Variants in HERC1 observed in about 807,000 individuals in gnomAD.
The protein encoded by HERC1 is HECT and RLD domain containing E3 ubiquitin protein ligase family member 1, also known as probable E3 ubiquitin-protein ligase HERC1.
A neutral mutation model predicts 554.3 loss-of-function variants in HERC1; 160 were observed. The ratio of observed to expected loss-of-function variants is 0.29; its 90% CI spans 0.25 to 0.33. The LOEUF (loss-of-function observed/expected upper bound fraction) is 0.33. HERC1 is among the 10% of genes least tolerant of loss of function. The pLI, the probability that HERC1 is intolerant of heterozygous loss-of-function variation, is 1.00. For missense variants in HERC1, 4,919 were observed against 5,918.5 expected (o/e 0.83, Z 5.54); for synonymous variants, 2,175 against 2,131.7 (o/e 1.02, Z -0.56).
At chr15:63,739,823 G>C (rs2074717906) in intron 12 of HERC1, among the ~76,000 whole-genome samples, 1 of 152,108 alleles carries the variant, frequency 6.6e-6, no homozygotes, top group East Asian at 1.9e-4. Flanking sequence ...GGGCGACAGA[G>C]CAAGACTCTG....
chr15:63,827,539 T>C (rs2077985132), intron 1 of HERC1, among the ~76,000 whole-genome samples: 1 of 151,964 alleles, frequency 6.6e-6, no homozygotes, highest in African/African-American at 2.4e-5. Context: ...GAGTATAGTA[T>C]ACTCTCCACA....
intron 24 of HERC1, among the ~76,000 whole-genome samples, chr15:63,711,972 T>C (rs2073320151): frequency 6.6e-6 from 1 of 152,234 alleles, no homozygotes; most frequent in African/African-American, 2.4e-5. Flanking sequence ...AGCAATCTTC[T>C]AGATAGTTTT....
intron 26 of HERC1, among the ~76,000 whole-genome samples, chr15:63,696,548 T>C (rs972476371): frequency 1.3e-5 from 2 of 152,142 alleles, no homozygotes; most frequent in African/African-American, 4.8e-5. Context: ...AAGGTTAGAG[T>C]ACAATAGGAA....
chr15:63,671,448 G>C (rs74018584), intron 39 of HERC1, among the ~76,000 whole-genome samples: 1,810 of 151,898 alleles, frequency 0.012, 31 homozygotes, highest in African/African-American at 0.042. Context: ...TTGAACAGAC[G>C]CACCTCCTGA....
At chr15:63,827,550 T>TA (rs1218927510) in intron 1 of HERC1, among the ~76,000 whole-genome samples, 1 of 151,678 alleles carries the variant, frequency 6.6e-6, no homozygotes, top group African/African-American at 2.4e-5. Flanking sequence ...ACTCTCCACA[T>TA]AAAAAAGAAG....
In HERC1 at chr15:63,754,496, T is replaced by G; in HGVS notation, c.1774+9A>C. ...AGCCAAAGCTACTGATAAATAATTT[T>G]TTACATACCATTGTCTCCTCCTCCA... On this transcript the variant is annotated intron_variant, in intron 7 of 77. Coordinates refer to ENST00000443617, the MANE Select transcript of HERC1 (RefSeq NM_003922.4). 1 of 1,555,956 alleles carries G rather than the reference T, an allele frequency of 6.4e-7. No homozygotes were observed. The highest frequency in any genetic ancestry group is 8.7e-7 in the Non-Finnish European group (1 of 1,155,970).
chr15:63,826,324 C>G (rs77812916), intron 1 of HERC1, among the ~76,000 whole-genome samples: 4 of 152,088 alleles, frequency 2.6e-5, no homozygotes, highest in Non-Finnish European at 2.9e-5. Context: ...ATTTTCATTA[C>G]GACTGCCCTT....
Position 63,775,310 on chromosome 15 carries a change from T to C in HERC1, c.314A>G (p.Lys105Arg), listed in dbSNP as rs530094016. 1 of 1,614,006 alleles carries C rather than the reference T, an allele frequency of 6.2e-7. No individual in the cohort carries two copies. Among genetic ancestry groups the C allele is most frequent in the East Asian group, 2.2e-5 (1 of 44,888 alleles). Residue 105 changes from lysine to arginine, a missense_variant, in exon 2 of 78, where the codon AAA (lysine) becomes AGA (arginine). This residue lies in a region of HERC1 where 744 missense variants were observed against 1,090.0 expected (regional missense o/e 0.68). Transcript: ENST00000443617. The surrounding 1 kb of genome is among the most constrained non-coding windows in gnomAD (Gnocchi z 4.0). ...GACACGCTGGAGTACAAGCAGTCGT[T>C]TTCTAAGTGCCCCGGCAAATGGGGA... Reference protein sequence around the residue: ...SDSPFAGALRKRLLVLQRVFY... With the variant: ...SDSPFAGALRRRLLVLQRVFY...
At position 63,630,476 on chromosome 15, in the gene HERC1, G is replaced by T; in HGVS notation, c.12956C>A (p.Ser4319Ter). Residue 4319 changes from serine to a stop codon, truncating the protein, a stop_gained, in exon 69 of 78, where the codon TCA becomes TAA. Transcript: ENST00000443617. LOFTEE classifies it high-confidence loss of function. ...AATATAAATATTTACCTGCCCTTCTGAATTGCTCCCCCAGGCATACACATC... is the reference window on the plus strand; with the variant it reads ...AATATAAATATTTACCTGCCCTTCTTAATTGCTCCCCCAGGCATACACATC... Reference protein sequence around the residue: ...NGDVYAWGSNSEGQLGLGHTN... With the variant: ...NGDVYAWGSN 6.2e-7 allele frequency: 1 copy of T among 1,612,294 alleles called. No homozygotes were observed. The highest frequency in any genetic ancestry group is 8.5e-7 in the Non-Finnish European group (1 of 1,179,306).
At chr15:63,661,151 C>A in intron 45 of HERC1, 126 bp from the exon 46 acceptor site, 1 of 697,932 alleles carries the variant, frequency 1.4e-6, no homozygotes, top group South Asian at 1.7e-5. Context: ...AAGTATGTTT[C>A]ATGTTATAGG....
chr15:63,609,935 CT>C (rs1443527628), intron 77 of HERC1, among the ~76,000 whole-genome samples: 1 of 152,092 alleles, frequency 6.6e-6, no homozygotes, highest in African/African-American at 2.4e-5. Flanking sequence ...AGAAAAAATT[CT>C]AGATACATCA....
chr15:63,643,391 T>C lies in HERC1; in HGVS notation c.11331+13A>G. On this transcript the variant is annotated intron_variant, in intron 58 of 77. Transcript: ENST00000443617. ...AATATTCCTTAACATAAAAATAAAA[T>C]CTATGCTCTTACCCTTAAAGACCAA... is the stretch of plus-strand genomic sequence containing the variant. 1 of 1,600,732 alleles carries C rather than the reference T, an allele frequency of 6.2e-7. No homozygotes were observed. The highest frequency in any genetic ancestry group is 8.5e-7 in the Non-Finnish European group (1 of 1,175,234).
chr15:63,792,020 T>C (rs761090999), intron 1 of HERC1, among the ~76,000 whole-genome samples: 2 of 152,226 alleles, frequency 1.3e-5, no homozygotes, highest in Admixed American at 6.5e-5. Context: ...ACTGATTTAA[T>C]TTTTCATTTT....
intron 25 of HERC1, among the ~76,000 whole-genome samples, chr15:63,699,897 A>G (rs2153071862): frequency 6.6e-6 from 1 of 152,330 alleles, no homozygotes; most frequent in Non-Finnish European, 1.5e-5. Context: ...TCTCAGATAC[A>G]TAAATTTGAT....
chr15:63,789,076 AGGTTTTTTTTTT>A (rs1193376688), intron 1 of HERC1, among the ~76,000 whole-genome samples: 5 of 139,216 alleles, frequency 3.6e-5, no homozygotes, highest in Non-Finnish European at 6.1e-5. Flanking sequence ...CAGGAATAAA[AGGTTTTTTTTTT>A]TTTTTTTTTT....
intron 1 of HERC1, among the ~76,000 whole-genome samples, chr15:63,786,347 T>A (rs911341189): frequency 7.3e-5 from 11 of 150,510 alleles, no homozygotes; most frequent in African/African-American, 2.4e-4. Flanking sequence ...GCTGGTGGTA[T>A]CTCAAAAAGT....
At chr15:63,611,848 C>T (rs904709149) in intron 77 of HERC1, among the ~76,000 whole-genome samples, 4 of 152,142 alleles carry the variant, frequency 2.6e-5, no homozygotes, top group African/African-American at 9.7e-5. Flanking sequence ...AATCGGCAGG[C>T]CTACTTGAGG....
chr15:63,804,980 T>C lies in HERC1; in HGVS notation c.-27+28847A>G, dbSNP rs141277059. On this transcript the variant is annotated intron_variant, in intron 1 of 77. Coordinates refer to ENST00000443617, the MANE Select transcript of HERC1 (RefSeq NM_003922.4). ...TCACCACCAGTGTGTAGAACTCTCATACACTGCTGGTAGAAATGTGACATG... is the reference window on the plus strand; with the variant it reads ...TCACCACCAGTGTGTAGAACTCTCACACACTGCTGGTAGAAATGTGACATG... Among the ~76,000 whole-genome samples the C allele has an allele frequency of 2.6e-5, 4 of 151,554 alleles. No homozygotes were observed. The East Asian group carries it at 7.8e-4, about 30-fold the overall frequency.
chr15:63,804,826 G>A (rs1019376063), intron 1 of HERC1, among the ~76,000 whole-genome samples: 1 of 152,070 alleles, frequency 6.6e-6, no homozygotes, highest in Non-Finnish European at 1.5e-5. Flanking sequence ...CCAAAAAAGC[G>A]CATGAAAGGA....
Sources: gnomAD v4.1 joint callset for allele counts (sites outside exome capture counted in the v4.1 genomes callset) on GRCh38, gnomAD v4.1.1 for gene constraint, gnomAD v4.1.1 regional missense constraint, Gnocchi (gnomAD v3.1) non-coding constraint, MANE v1.5 for transcripts, NCBI Gene and HGNC (gene_info 2026-07-23, HGNC 2026-07-21) for gene names.